SRGN: variants seen among roughly 807,000 people sequenced by gnomAD.
SRGN encodes the protein serglycin.
In SRGN, 2 loss-of-function variants were observed where a neutral mutation model predicts 9.5. That is an observed-to-expected ratio of 0.21 (90% CI 0.09 to 0.66). The LOEUF (loss-of-function observed/expected upper bound fraction) is 0.66, where lower values mean the gene tolerates loss of function less well. SRGN is among the 30% of genes least tolerant of loss of function. The pLI is 0.83. For missense variants in SRGN, 170 were observed against 192.4 expected, an observed-to-expected ratio of 0.88 and a Z score of 0.69; for synonymous variants, 59 against 72.3, an observed-to-expected ratio of 0.82 and a Z score of 0.93.
chr10:69,097,827 G>C, intron 2 of SRGN, among the ~76,000 whole-genome samples: 1 of 152,196 alleles, frequency 6.6e-6, no homozygotes, highest in East Asian at 1.9e-4. Context: ...GCCTCCCAAA[G>C]TGTTGGGATT....
At chr10:69,100,589 G>A (rs147328261) in intron 2 of SRGN, among the ~76,000 whole-genome samples, 119 of 152,056 alleles carry the variant, frequency 7.8e-4, no homozygotes, top group African/African-American at 2.8e-3. Context: ...TTTCTTTCCC[G>A]TCATTGCGAA....
intron 1 of SRGN, among the ~76,000 whole-genome samples, chr10:69,094,053 G>T (rs1840124449): frequency 6.6e-6 from 1 of 152,122 alleles, no homozygotes; most frequent in African/African-American, 2.4e-5. Flanking sequence ...CTATGTGCTA[G>T]GTACTACTCT....
At chr10:69,100,948 A>T (rs545671648) in intron 2 of SRGN, among the ~76,000 whole-genome samples, 107 of 149,914 alleles carry the variant, frequency 7.1e-4, no homozygotes, top group African/African-American at 2.4e-3. Context: ...CTATCGCTGT[A>T]GCCCAAGGAG....
intron 1 of SRGN, 21 bp downstream of exon 1, chr10:69,088,257 T>C: frequency 6.3e-7 from 1 of 1,592,754 alleles, no homozygotes; most frequent in Non-Finnish European, 8.6e-7. Flanking sequence ...GGAGTCTTGT[T>C]CCCCAGCCAT....
rs1840354839 is a variant in SRGN at position 69,104,306 on chromosome 10, T to C, written c.*186T>C. On this transcript the variant is annotated 3_prime_UTR_variant, in exon 3 of 3. Transcript: ENST00000242465. ...AGGATTATGCTTTAATGCTGTTATC[T>C]ATTTTATTGTTCTTGAAAATACCTG... 1 of 742,478 alleles carries C rather than the reference T, an allele frequency of 1.3e-6. No individual in the cohort carries two copies. The highest frequency in any genetic ancestry group is 2.0e-6 in the Non-Finnish European group (1 of 505,944). 46.0% of individuals were successfully genotyped at this position (742,478 alleles called of 1,614,324 possible). A position where few individuals can be genotyped will look rare whatever the true frequency, so the allele number is the denominator to read the frequency against.
chr10:69,088,015 T>C (rs1032915466), upstream of SRGN: 7 of 665,504 alleles, frequency 1.1e-5, no homozygotes, highest in Non-Finnish European at 1.9e-5. Flanking sequence ...TGGATGTCTT[T>C]CTATTTGTTC....
At chr10:69,099,309 G>T (rs536446009) in intron 2 of SRGN, among the ~76,000 whole-genome samples, 3,560 of 138,870 alleles carry the variant, frequency 0.026, 144 homozygotes, top group African/African-American at 0.089. Context: ...TTTCTCTTTT[G>T]TTTTTTTTTT....
Position 69,088,221 on chromosome 10 carries a change from G to C in SRGN, c.64G>C (p.Glu22Gln), listed in dbSNP as rs780375254. Residue 22 changes from glutamate to glutamine, a missense_variant, in exon 1 of 3, where the codon GAA (glutamate) becomes CAA (glutamine). Coordinates refer to ENST00000242465, the MANE Select transcript of SRGN (RefSeq NM_002727.4). Reference protein sequence around the residue: ...VLALALILVLESSVQGYPTRR... With the variant: ...VLALALILVLQSSVQGYPTRR... ...GGCTCTTGCCCTCATCCTGGTTCTG[G>C]AATCCTCAGTTCAAGGTAAGACTCA... 7 of 1,614,108 alleles carry C rather than the reference G, an allele frequency of 4.3e-6. No homozygotes were observed. The Admixed American group carries it at 1.2e-4, about 27-fold the overall frequency.
chr10:69,097,207 C>G lies in SRGN; in HGVS notation c.203C>G (p.Pro68Arg), dbSNP rs67852477. The change falls in exon 2 of 3, where the codon CCC becomes CGC. Residue 68 changes from proline to arginine, a missense_variant. Transcript: ENST00000242465. ...CTTCCAGGTGAATCCAACAAGATCC[C>G]CCGTCTGAGGACTGACCTTTTTCCG... is the stretch of plus-strand genomic sequence containing the variant. ...ELLPGESNKI[P>R]RLRTDLFPKT... The G allele has an allele frequency of 0.011, 17,027 of 1,613,808 alleles. 156 individuals carry two copies. The highest frequency in any genetic ancestry group is 0.012 in the Non-Finnish European group (14,665 of 1,179,778).
At chr10:69,103,593 T>C (rs1229071222) in intron 2 of SRGN, among the ~76,000 whole-genome samples, 1 of 151,986 alleles carries the variant, frequency 6.6e-6, no homozygotes, top group Non-Finnish European at 1.5e-5. Flanking sequence ...ATATAGAATG[T>C]ATATGCTAGT....
chr10:69,104,214 G>T lies in SRGN; in HGVS notation c.*94G>T. The T allele has an allele frequency of 6.8e-7, 1 of 1,464,418 alleles. No individual in the cohort carries two copies. Among genetic ancestry groups the T allele is most frequent in the Non-Finnish European group, 9.1e-7 (1 of 1,097,134 alleles). The allele number at this position is 1,464,418 out of a possible 1,614,324, so 90.7% of individuals were successfully genotyped here. On this transcript the variant is annotated 3_prime_UTR_variant, in exon 3 of 3. Coordinates refer to ENST00000242465, the MANE Select transcript of SRGN (RefSeq NM_002727.4). The stretch of plus-strand genomic sequence containing the variant: ...TAATCTTGGGACAAAGAATTTTATA[G>T]AAATTTTTAAACATCTGAAAAAGAA...
chr10:69,094,221 G>A (rs1840128239), intron 1 of SRGN, among the ~76,000 whole-genome samples: 1 of 152,168 alleles, frequency 6.6e-6, no homozygotes, highest in South Asian at 2.1e-4. Context: ...CCAGCCTCCA[G>A]GCAGTGGCAG....
At chr10:69,102,332 G>T (rs1162843956) in intron 2 of SRGN, among the ~76,000 whole-genome samples, 1 of 152,064 alleles carries the variant, frequency 6.6e-6, no homozygotes, top group Non-Finnish European at 1.5e-5. Context: ...TATTACATTG[G>T]TCAATTTCAT....
At position 69,090,975 on chromosome 10, in the gene SRGN, G is replaced by A. The variant is rs567846314; in HGVS notation, c.79+2739G>A. Among the ~76,000 whole-genome samples the A allele has an allele frequency of 2.2e-4, 33 of 152,226 alleles. 1 individual carries two copies. The South Asian group carries it at 6.6e-3, about 31-fold the overall frequency. ...GAACAGGTGCAGCCAAGGAGGCCAG[G>A]CCCGCCATGTGTCCACTGTATACTG... On this transcript the variant is annotated intron_variant, in intron 1 of 2. Transcript: ENST00000242465.
At chr10:69,087,739 T>C (rs1352570498), upstream of SRGN, among the ~76,000 whole-genome samples, 1 of 152,026 alleles carries the variant, frequency 6.6e-6, no homozygotes, top group Non-Finnish European at 1.5e-5. Context: ...AGGCAGCACC[T>C]AGATCCCTTA....
chr10:69,091,371 G>C (rs1423122677), intron 1 of SRGN, among the ~76,000 whole-genome samples: 8 of 152,320 alleles, frequency 5.3e-5, no homozygotes, highest in African/African-American at 1.9e-4. Flanking sequence ...AGTTGAGGGA[G>C]AAATTGAAAG....
At chr10:69,103,819 C>A in intron 2 of SRGN, 52 bp from the exon 3 acceptor site, 1 of 1,579,024 alleles carries the variant, frequency 6.3e-7, no homozygotes, top group Non-Finnish European at 8.6e-7. Context: ...AATTATCTTT[C>A]CCACATATCA....
chr10:69,095,404 G>T (rs1322651302), intron 1 of SRGN, among the ~76,000 whole-genome samples: 1 of 151,632 alleles, frequency 6.6e-6, no homozygotes, highest in Admixed American at 6.6e-5. Flanking sequence ...ATTATTTTGT[G>T]GTGAGCTTTA....
chr10:69,091,901 AAAAAAAAG>A (rs1564658926), intron 1 of SRGN, among the ~76,000 whole-genome samples: 5 of 101,948 alleles, frequency 4.9e-5, no homozygotes, highest in East Asian at 2.8e-4. Context: ...AAAAAAAAAA[AAAAAAAAG>A]AAAAAGAAAA....
Sources: allele counts gnomAD v4.1 joint callset (sites outside exome capture counted in the v4.1 genomes callset), GRCh38; gene constraint gnomAD v4.1.1; transcripts MANE v1.5; gene names NCBI Gene and HGNC (gene_info 2026-07-23, HGNC 2026-07-21).